The following CSTPP1 variants were observed in gnomAD, a reference collection of about 807,000 sequenced individuals.
The protein encoded by CSTPP1 is UPF0705 protein C11orf49.
At chr11:47,073,397 C>G in the CSTPP1 span, among the ~76,000 whole-genome samples, 1 of 152,056 alleles carries the variant, frequency 6.6e-6, no homozygotes, top group Admixed American at 6.6e-5. Context: ...AAGCTTTCAT[C>G]GAAAATGAAG....
the CSTPP1 span, chr11:47,154,609 G>A: frequency 6.5e-6 from 1 of 153,910 alleles, no homozygotes; most frequent in Non-Finnish European, 1.4e-5. Context: ...TTCCCCAATA[G>A]CTCTTTGCCC....
At chr11:47,112,313 A>ATTTG in the CSTPP1 span, among the ~76,000 whole-genome samples, 49,618 of 150,770 alleles carry the variant, frequency 0.33, 8,642 homozygotes, top group East Asian at 0.7. Context: ...TATATAGCTT[A>ATTTG]TTTGTTTGTT....
chr11:46,960,117 T>C, the CSTPP1 span, among the ~76,000 whole-genome samples: 61 of 152,218 alleles, frequency 4.0e-4, no homozygotes, highest in Non-Finnish European at 6.9e-4. Flanking sequence ...TCTGCCTAAC[T>C]TGGCTTTCCA....
chr11:47,164,323 C>G, the CSTPP1 span: 4 of 1,453,254 alleles, frequency 2.8e-6, no homozygotes, highest in Non-Finnish European at 3.7e-6. Context: ...AACAGGGAGC[C>G]AGGCCCTGCA....
the CSTPP1 span, chr11:47,137,410 GC>G: frequency 2.0e-6 from 3 of 1,508,350 alleles, no homozygotes; most frequent in Non-Finnish European, 2.7e-6. Flanking sequence ...TACCAGTGAA[GC>G]TCCTTTGGTC....
At chr11:47,145,650 G>T in the CSTPP1 span, among the ~76,000 whole-genome samples, 816 of 152,104 alleles carry the variant, frequency 5.4e-3, 2 homozygotes, top group African/African-American at 0.019. Context: ...ATTATTTTTT[G>T]AAATGAGGTC....
the CSTPP1 span, among the ~76,000 whole-genome samples, chr11:47,083,261 A>G: frequency 6.6e-6 from 1 of 152,180 alleles, no homozygotes; most frequent in Admixed American, 6.5e-5. Context: ...AGATTTATCC[A>G]TGTTGTAACA....
At chr11:47,091,272 G>C in the CSTPP1 span, among the ~76,000 whole-genome samples, 1 of 151,210 alleles carries the variant, frequency 6.6e-6, no homozygotes, top group Non-Finnish European at 1.5e-5. Flanking sequence ...TACTCGGGAG[G>C]CTGAGGCAGG....
chr11:46,955,184 C>T, the CSTPP1 span, among the ~76,000 whole-genome samples: 2 of 152,134 alleles, frequency 1.3e-5, no homozygotes, highest in African/African-American at 4.8e-5. Context: ...AAGTTTCTAC[C>T]ACCTGCATAA....
At chr11:46,999,295 C>A in the CSTPP1 span, among the ~76,000 whole-genome samples, 3 of 151,796 alleles carry the variant, frequency 2.0e-5, no homozygotes, top group Admixed American at 2.0e-4. Flanking sequence ...TCAGCTACTA[C>A]AATTCTTTGA....
chr11:47,161,613 A>AAGAGAC, the CSTPP1 span: 1 of 1,613,762 alleles, frequency 6.2e-7, no homozygotes. Flanking sequence ...GGCTCCACTG[A>AAGAGAC]AGAGACAGAC....
At chr11:47,011,932 A>G in the CSTPP1 span, among the ~76,000 whole-genome samples, 2 of 152,164 alleles carry the variant, frequency 1.3e-5, no homozygotes, top group Non-Finnish European at 2.9e-5. Flanking sequence ...TAATAAATAA[A>G]TAAACAAATA....
chr11:47,012,973 G>A, the CSTPP1 span, among the ~76,000 whole-genome samples: 2 of 145,088 alleles, frequency 1.4e-5, no homozygotes, highest in South Asian at 4.4e-4. Flanking sequence ...TGCCCTTGCT[G>A]TATTGGTGCG....
chr11:47,164,237 G>A, the CSTPP1 span: 2 of 1,613,396 alleles, frequency 1.2e-6, no homozygotes, highest in Non-Finnish European at 1.7e-6. Context: ...ATTACCGGTG[G>A]GAGCCCAGAG....
the CSTPP1 span, among the ~76,000 whole-genome samples, chr11:46,980,627 C>T: frequency 1.3e-5 from 2 of 151,934 alleles, no homozygotes; most frequent in South Asian, 2.1e-4. Context: ...AAAAAAAAGC[C>T]ACAGATACAT....
the CSTPP1 span, among the ~76,000 whole-genome samples, chr11:47,105,102 A>G: frequency 6.6e-6 from 1 of 152,190 alleles, no homozygotes; most frequent in African/African-American, 2.4e-5. Context: ...TGAGGATCTA[A>G]GCCCAGCTTG....
At chr11:47,155,592 C>T in the CSTPP1 span, 2 of 369,340 alleles carry the variant, frequency 5.4e-6, no homozygotes, top group Non-Finnish European at 1.0e-5. Context: ...TTACTATGTC[C>T]CAGGCACAGC....
the CSTPP1 span, among the ~76,000 whole-genome samples, chr11:47,064,820 C>A: frequency 6.6e-6 from 1 of 151,636 alleles, no homozygotes; most frequent in Non-Finnish European, 1.5e-5. Context: ...TCTCAGCTCA[C>A]CGCAACCTCC....
chr11:47,099,627 G>C, the CSTPP1 span, among the ~76,000 whole-genome samples: 1 of 152,212 alleles, frequency 6.6e-6, no homozygotes, highest in Non-Finnish European at 1.5e-5. Context: ...AGGGGAAGTT[G>C]AACTGGGTAT....
Sources: gnomAD v4.1 joint callset for allele counts (sites outside exome capture counted in the v4.1 genomes callset) on GRCh38, gnomAD v4.1.1 for gene constraint, MANE v1.5 for transcripts, NCBI Gene and HGNC (gene_info 2026-07-23, HGNC 2026-07-21) for gene names.